The following NRXN2 variants were observed in gnomAD, a reference collection of about 807,000 sequenced individuals.
The protein encoded by NRXN2 is neurexin 2, also known as neurexin-2-beta.
Under a neutral mutation model 128.8 loss-of-function variants are expected in NRXN2, and 29 were observed. That is an observed-to-expected ratio of 0.23 (90% confidence interval 0.17 to 0.31). The LOEUF (loss-of-function observed/expected upper bound fraction) is 0.31. NRXN2 is among the 10% of genes least tolerant of loss of function. The probability of loss-of-function intolerance (pLI) is 1.00; values close to 1 mark genes in which losing one functional copy is unlikely to be tolerated. For synonymous variants in NRXN2, 1,098 were observed against 1,075.2 expected (o/e 1.02, Z -0.41); for missense variants, 1,881 against 2,452.6 (o/e 0.77, Z 4.92).
At chr11:64,649,053 T>C in intron 15 of NRXN2, 146 bp from the exon 16 acceptor site, 1 of 818,424 alleles carries the variant, frequency 1.2e-6, no homozygotes, top group Non-Finnish European at 2.0e-6. Flanking sequence ...TCCAGAGACC[T>C]GCACAACCCG....
chr11:64,688,438 C>G, intron 5 of NRXN2: 1 of 985,338 alleles, frequency 1.0e-6, no homozygotes, highest in Non-Finnish European at 1.2e-6. Flanking sequence ...AGAGAGAGAA[C>G]CTGAGTAGGG....
In NRXN2 at chr11:64,607,284, T is replaced by C. The variant is rs1347342164; in HGVS notation, c.5051A>G (p.Asn1684Ser). The change falls in exon 23 of 23, where the codon AAT becomes AGT. Residue 1684 changes from asparagine to serine, a missense_variant. Coordinates refer to ENST00000265459, the MANE Select transcript of NRXN2 (RefSeq NM_015080.4). ...GGCCTTCTCTTTCACCACCGCCCCA[T>C]TGCTCTGGGCCGAGTTACTGATGTA... ...RNYISNSAQS[N>S]GAVVKEKAPA... 1.2e-6 allele frequency: 2 copies of C among 1,613,786 alleles called. No homozygotes were observed. Among genetic ancestry groups the C allele is most frequent in the African/African-American group, 1.3e-5 (1 of 74,860 alleles).
At position 64,651,734 on chromosome 11, in the gene NRXN2, G is replaced by T; in HGVS notation, c.2537-98C>A. On this transcript the variant is annotated intron_variant, in intron 13 of 22. Coordinates refer to ENST00000265459, the MANE Select transcript of NRXN2 (RefSeq NM_015080.4). This position sits in a 1 kb window ranked among gnomAD's most constrained non-coding sequence, Gnocchi z 5.9. The stretch of plus-strand genomic sequence containing the variant: ...TCCCCTCCACAGGAGGGCCACCCAT[G>T]AGTGACATCTTTAGAGATGTCCTCG... 7.4e-7 allele frequency: 1 copy of T among 1,358,572 alleles called. No homozygotes were observed. Among genetic ancestry groups the T allele is most frequent in the Non-Finnish European group, 1.0e-6 (1 of 969,560 alleles). 84.2% of individuals were successfully genotyped at this position (1,358,572 alleles called of 1,614,324 possible). A position where few individuals can be genotyped will look rare whatever the true frequency, so the allele number is the denominator to read the frequency against.
chr11:64,650,410 G>C (rs747211948), intron 15 of NRXN2, 38 bp downstream of exon 15: 24 of 1,610,380 alleles, frequency 1.5e-5, no homozygotes, highest in Admixed American at 1.3e-4. Flanking sequence ...GGGGTATCTG[G>C]GCTAGGGCCA....
intron 17 of NRXN2, among the ~76,000 whole-genome samples, chr11:64,644,789 G>A (rs1295044311): frequency 6.6e-6 from 1 of 151,908 alleles, no homozygotes; most frequent in Non-Finnish European, 1.5e-5. Flanking sequence ...CGGGTGAAGT[G>A]AGAAAGGGGA....
Position 64,660,704 on chromosome 11 carries a change from G to T in NRXN2, c.2185+49C>A. 6.2e-7 allele frequency: 1 copy of T among 1,603,938 alleles called. No individual in the cohort carries two copies. The highest frequency in any genetic ancestry group is 1.1e-5 in the South Asian group (1 of 91,026). On this transcript the variant is annotated intron_variant, in intron 10 of 22. Coordinates refer to ENST00000265459, the MANE Select transcript of NRXN2 (RefSeq NM_015080.4). This position sits in a 1 kb window ranked among gnomAD's most constrained non-coding sequence, Gnocchi z 5.2. ...AAGTAGGAGTCACCCTGAGAAGGAG[G>T]AGCACAGGGATAGGGAGCAGGGACA...
intron 17 of NRXN2, among the ~76,000 whole-genome samples, chr11:64,636,632 C>T (rs2044763342): frequency 6.6e-6 from 1 of 151,960 alleles, no homozygotes; most frequent in Non-Finnish European, 1.5e-5. Flanking sequence ...CAAGGGAGGA[C>T]TTAAAGAAGG....
rs2049997074 is a variant in NRXN2 at position 64,667,204 on chromosome 11, G to A, written c.1798+46C>T. The A allele has an allele frequency of 1.9e-6, 3 of 1,594,386 alleles. No individual in the cohort carries two copies. The highest frequency in any genetic ancestry group is 2.6e-6 in the Non-Finnish European group (3 of 1,162,926). On this transcript the variant is annotated intron_variant, in intron 9 of 22. Transcript: ENST00000265459. This position sits in a 1 kb window ranked among gnomAD's most constrained non-coding sequence, Gnocchi z 5.6. ...GACGGAGAGGATGTCAGGGCAGATG[G>A]AAAGGGGTGGCCCATGGAAGGGGAA...
At chr11:64,712,933 G>A in intron 2 of NRXN2, 37 bp downstream of exon 2, 1 of 1,486,168 alleles carries the variant, frequency 6.7e-7, no homozygotes, top group Non-Finnish European at 8.9e-7. Flanking sequence ...CCTCACCCCC[G>A]CGCCCAGGCA....
chr11:64,667,610 C>T lies in NRXN2; in HGVS notation c.1438G>A (p.Gly480Arg). The change falls in exon 9 of 23, where the codon GGG becomes AGG. Residue 480 changes from glycine (G) to arginine (R), a missense_variant. Gly to Arg is a moderately radical substitution (Grantham distance 125). Transcript: ENST00000265459. This position sits in a 1 kb window ranked among gnomAD's most constrained non-coding sequence, Gnocchi z 5.6. ...TCCTCACAGCGGAATGACAAGTCCC[C>T]CTGCAGCTTCATCTTGGGGTCCCCT... ...KEGDPKMKLQGDLSFRCEDVA... is the reference protein window; with the variant it reads ...KEGDPKMKLQRDLSFRCEDVA... 1 of 1,614,234 alleles carries T rather than the reference C, an allele frequency of 6.2e-7. No homozygotes were observed. The highest frequency in any genetic ancestry group is 8.5e-7 in the Non-Finnish European group (1 of 1,180,034).
At chr11:64,647,431 C>T (rs182674448) in intron 17 of NRXN2, among the ~76,000 whole-genome samples, 33 of 152,282 alleles carry the variant, frequency 2.2e-4, no homozygotes, top group African/African-American at 7.5e-4. Context: ...CCCCGCCATT[C>T]CTGCCTCAGC....
chr11:64,658,135 A>G (rs560961631), intron 11 of NRXN2, among the ~76,000 whole-genome samples: 42 of 152,296 alleles, frequency 2.8e-4, no homozygotes, highest in Admixed American at 7.2e-4. Flanking sequence ...GGGGCCTAGG[A>G]CAGTCCAAAT....
chr11:64,695,620 A>G (rs1014255125), intron 3 of NRXN2, among the ~76,000 whole-genome samples: 5 of 152,080 alleles, frequency 3.3e-5, no homozygotes, highest in Non-Finnish European at 5.9e-5. Context: ...CACCATCGAA[A>G]TAAAGATGGT....
At chr11:64,636,824 C>T (rs1444042135) in intron 17 of NRXN2, among the ~76,000 whole-genome samples, 2 of 151,944 alleles carry the variant, frequency 1.3e-5, no homozygotes, top group African/African-American at 4.8e-5. Context: ...AACACTAGGC[C>T]GGGTTCCCTC....
At position 64,623,133 on chromosome 11, in the gene NRXN2, G is replaced by A. The variant is rs1012985734; in HGVS notation, c.3848-55C>T. On this transcript the variant is annotated intron_variant, in intron 20 of 22. Coordinates refer to ENST00000265459, the MANE Select transcript of NRXN2 (RefSeq NM_015080.4). The surrounding 1 kb of genome is among the most constrained non-coding windows in gnomAD (Gnocchi z 4.9). Reference sequence around the variant, plus strand: ...AGGGGCAGGCAGTGAGGGGAGACCAGGAAGGGAAGGAAGAAAAGAAGGAAG... The same window carrying A: ...AGGGGCAGGCAGTGAGGGGAGACCAAGAAGGGAAGGAAGAAAAGAAGGAAG... 30 of 1,541,394 alleles carry A rather than the reference G, an allele frequency of 1.9e-5. No homozygotes were observed. The highest frequency in any genetic ancestry group is 2.6e-5 in the Non-Finnish European group (30 of 1,139,844).
At chr11:64,642,360 G>C (rs531546323) in intron 17 of NRXN2, among the ~76,000 whole-genome samples, 2 of 152,002 alleles carry the variant, frequency 1.3e-5, no homozygotes, top group South Asian at 4.2e-4. Context: ...GGAGGCAAGG[G>C]TGGGGCTGAG....
chr11:64,612,301 G>A (rs775358121), intron 22 of NRXN2, among the ~76,000 whole-genome samples: 6 of 151,442 alleles, frequency 4.0e-5, no homozygotes, highest in Non-Finnish European at 7.4e-5. Context: ...ATGACTCATG[G>A]TCCAGCTCTA....
At chr11:64,657,567 C>A (rs1284574751) in intron 11 of NRXN2, among the ~76,000 whole-genome samples, 1 of 152,096 alleles carries the variant, frequency 6.6e-6, no homozygotes, top group African/African-American at 2.4e-5. Context: ...CAGACGTAGG[C>A]AGAGTGAAGA....
chr11:64,688,493 G>T (rs926255517), intron 5 of NRXN2: 2 of 985,316 alleles, frequency 2.0e-6, no homozygotes, highest in Non-Finnish European at 2.4e-6. Flanking sequence ...GGATTCTACT[G>T]GGGTGAGCCT....
Sources: allele counts gnomAD v4.1 joint callset (sites outside exome capture counted in the v4.1 genomes callset), GRCh38; gene constraint gnomAD v4.1.1; non-coding constraint Gnocchi (gnomAD v3.1); transcripts MANE v1.5; gene names NCBI Gene and HGNC (gene_info 2026-07-23, HGNC 2026-07-21).